Variants in DNAH11 observed in about 807,000 individuals in gnomAD.
DNAH11 encodes the protein axonemal beta dynein heavy chain 11.
In DNAH11, 442 loss-of-function variants were observed where a neutral mutation model predicts 526.0. The ratio of observed to expected loss-of-function variants is 0.84; its 90% confidence interval spans 0.78 to 0.91. The LOEUF is 0.91. Ranked by LOEUF, DNAH11 falls within the 40% of genes least tolerant of loss-of-function variation. The pLI is 0.00. For missense variants in DNAH11, 6,989 were observed against 5,448.7 expected, an observed-to-expected ratio of 1.28 and a Z score of -8.90; for synonymous variants, 2,461 against 1,935.9, an observed-to-expected ratio of 1.27 and a Z score of -7.12.
chr7:21,776,499 C>T (rs1583683245), intron 56 of DNAH11, among the ~76,000 whole-genome samples: 2 of 152,126 alleles, frequency 1.3e-5, no homozygotes, highest in East Asian at 3.9e-4. Context: ...AGGAATGCCA[C>T]ATCATTTGAA....
chr7:21,694,721 G>A (rs566509911), intron 35 of DNAH11, among the ~76,000 whole-genome samples: 76 of 152,270 alleles, frequency 5.0e-4, no homozygotes, highest in African/African-American at 1.7e-3. Flanking sequence ...GCCCAGTAAT[G>A]GGATTGCTGG....
intron 55 of DNAH11, 125 bp from the exon 56 acceptor site, chr7:21,773,641 C>T (rs936548066): frequency 3.5e-5 from 25 of 712,406 alleles, no homozygotes; most frequent in East Asian, 8.4e-5. Context: ...AATAAGTTTT[C>T]GTAGGTTATA....
chr7:21,900,839 A>C (rs2128053041), intron 81 of DNAH11, 168 bp from the exon 82 acceptor site: 1 of 1,119,112 alleles, frequency 8.9e-7, no homozygotes, highest in Non-Finnish European at 1.2e-6. Flanking sequence ...CAGGCAGGGT[A>C]ACCTACCTTT....
At chr7:21,680,559 G>A (rs551948971) in intron 30 of DNAH11, among the ~76,000 whole-genome samples, 54 of 152,142 alleles carry the variant, frequency 3.5e-4, no homozygotes, top group African/African-American at 1.2e-3. Context: ...TAGTCAAAAC[G>A]GAAATAAAAC....
At position 21,600,745 on chromosome 7, in the gene DNAH11, A is replaced by G. The variant is rs779398246; in HGVS notation, c.3070A>G (p.Ile1024Val). 6.2e-7 allele frequency: 1 copy of G among 1,613,790 alleles called. No homozygotes were observed. Among genetic ancestry groups the G allele is most frequent in the East Asian group, 2.2e-5 (1 of 44,884 alleles). ...GATCATGAACAGAGTGGTGAATGTC[A>G]TCAACAAAGTCTTAGATTTCAGAAA... ...QEIMNRVVNV[I>V]NKVLDFRNTL... The change falls in exon 16 of 82, where the codon ATC (isoleucine) becomes GTC (valine). Residue 1024 changes from isoleucine to valine, a missense_variant. Physicochemically the swap from Ile to Val is conservative, Grantham distance 29. Coordinates refer to ENST00000409508, the MANE Select transcript of DNAH11 (RefSeq NM_001277115.2).
intron 51 of DNAH11, among the ~76,000 whole-genome samples, chr7:21,747,812 C>CTGTTGG (rs755715253): frequency 5.6e-4 from 85 of 152,318 alleles, no homozygotes; most frequent in Non-Finnish European, 9.6e-4. Context: ...ACAGAGAGAT[C>CTGTTGG]TGTTGGTCTA....
chr7:21,558,508 C>G (rs748209169), intron 2 of DNAH11, among the ~76,000 whole-genome samples: 1 of 152,180 alleles, frequency 6.6e-6, no homozygotes, highest in African/African-American at 2.4e-5. Context: ...GGGCAGTTTA[C>G]CTACTTGACA....
rs1178780746 is a variant in DNAH11 at position 21,898,320 on chromosome 7, C to G, written c.13050-1016C>G. On this transcript the variant is annotated intron_variant, in intron 79 of 81. Coordinates refer to ENST00000409508, the MANE Select transcript of DNAH11 (RefSeq NM_001277115.2). ...TGGAAGAACTTAATATAGGTCCGGG[C>G]ACAGAGATTTTCCTTGTGGTGACGT... is the stretch of plus-strand genomic sequence containing the variant. 4.6e-5 allele frequency among the ~76,000 whole-genome samples: 7 copies of G among 152,280 alleles called. No homozygotes were observed. The South Asian group carries it at 1.5e-3, about 32-fold the overall frequency.
intron 25 of DNAH11, among the ~76,000 whole-genome samples, chr7:21,625,832 A>T (rs1786306626): frequency 6.6e-6 from 1 of 151,902 alleles, no homozygotes; most frequent in Admixed American, 6.6e-5. Context: ...ATTGATTTCT[A>T]CTTTTATGCC....
Position 21,558,935 on chromosome 7 carries a change from C to T in DNAH11, c.629C>T (p.Thr210Ile). ...YIFRGKMSRR[T>I]LLPIPTVAGK... ...TTTAGGGGCAAAATGTCTAGAAGAA[C>T]TCTTCTACCAATTCCCACTGTTGCA... is the stretch of plus-strand genomic sequence containing the variant. The change falls in exon 3 of 82, where the codon ACT becomes ATT. Residue 210 changes from threonine to isoleucine, a missense_variant. Coordinates refer to ENST00000409508, the MANE Select transcript of DNAH11 (RefSeq NM_001277115.2). 2 of 1,597,254 alleles carry T rather than the reference C, an allele frequency of 1.3e-6. No individual in the cohort carries two copies. Among genetic ancestry groups the T allele is most frequent in the East Asian group, 2.2e-5 (1 of 44,474 alleles).
At chr7:21,655,292 C>T (rs1486463715) in intron 28 of DNAH11, among the ~76,000 whole-genome samples, 1 of 152,090 alleles carries the variant, frequency 6.6e-6, no homozygotes, top group Non-Finnish European at 1.5e-5. Flanking sequence ...TTAATTTCCT[C>T]ATCAATGAAA....
At chr7:21,564,428 G>T in intron 6 of DNAH11, 31 bp downstream of exon 6, 2 of 1,534,122 alleles carry the variant, frequency 1.3e-6, no homozygotes, top group Non-Finnish European at 1.8e-6. Flanking sequence ...GGAACAATAA[G>T]AATTGTTGCT....
At chr7:21,829,894 G>T (rs1053836809) in intron 65 of DNAH11, among the ~76,000 whole-genome samples, 1 of 152,186 alleles carries the variant, frequency 6.6e-6, no homozygotes, top group Admixed American at 6.5e-5. Flanking sequence ...GAATTGTTCT[G>T]TCACAGAAGT....
At chr7:21,734,784 G>A (rs1422291725) in intron 45 of DNAH11, among the ~76,000 whole-genome samples, 2 of 152,094 alleles carry the variant, frequency 1.3e-5, no homozygotes, top group Non-Finnish European at 2.9e-5. Context: ...CCTGAGCTCA[G>A]GAAGTCAAGG....
At position 21,773,710 on chromosome 7, in the gene DNAH11, A is replaced by C. The variant is rs1015574089; in HGVS notation, c.9103-56A>C. 34 of 1,189,650 alleles carry C rather than the reference A, an allele frequency of 2.9e-5. No homozygotes were observed. The African/African-American group carries it at 4.7e-4, about 17-fold the overall frequency. 73.7% of individuals were successfully genotyped at this position (1,189,650 alleles called of 1,614,324 possible). A position where few individuals can be genotyped will look rare whatever the true frequency, so the allele number is the denominator to read the frequency against. On this transcript the variant is annotated intron_variant, in intron 55 of 81. Transcript: ENST00000409508. The stretch of plus-strand genomic sequence containing the variant: ...ATGATCATTTACTTGATTTTTTTTA[A>C]GTTGTATTTTTAATTTGAGAGGATT...
At chr7:21,650,837 A>G (rs894252623) in intron 28 of DNAH11, among the ~76,000 whole-genome samples, 5 of 151,542 alleles carry the variant, frequency 3.3e-5, no homozygotes, top group African/African-American at 9.7e-5. Flanking sequence ...TTGGCGTTTC[A>G]CCATATTGGC....
At chr7:21,679,320 A>T (rs1380207248) in intron 30 of DNAH11, among the ~76,000 whole-genome samples, 1 of 152,234 alleles carries the variant, frequency 6.6e-6, no homozygotes, top group Non-Finnish European at 1.5e-5. Flanking sequence ...CTAATTTAAC[A>T]TATGGCACCT....
At chr7:21,716,908 G>A (rs1197024587) in intron 42 of DNAH11, among the ~76,000 whole-genome samples, 1 of 152,172 alleles carries the variant, frequency 6.6e-6, no homozygotes, top group African/African-American at 2.4e-5. Context: ...GGAGCCGTTT[G>A]TCAGATAATC....
chr7:21,636,384 A>T (rs1786865657), intron 26 of DNAH11, among the ~76,000 whole-genome samples: 1 of 152,146 alleles, frequency 6.6e-6, no homozygotes, highest in African/African-American at 2.4e-5. Context: ...CTGAAATTTG[A>T]ATTTCACATA....
Sources: allele counts gnomAD v4.1 joint callset (sites outside exome capture counted in the v4.1 genomes callset), GRCh38; gene constraint gnomAD v4.1.1; transcripts MANE v1.5; gene names NCBI Gene and HGNC (gene_info 2026-07-23, HGNC 2026-07-21).